The following GPATCH8 variants were observed in gnomAD, a reference collection of about 807,000 sequenced individuals.
The protein encoded by GPATCH8 is G patch domain-containing protein 8.
Under a neutral mutation model 118.3 loss-of-function variants are expected in GPATCH8, and 18 were observed. The observed-to-expected ratio is 0.15, with a 90% confidence interval of 0.11 to 0.23. The LOEUF (loss-of-function observed/expected upper bound fraction) is 0.23, where lower values mean the gene tolerates loss of function less well. Ranked by LOEUF, GPATCH8 falls within the 10% of genes least tolerant of loss-of-function variation. The pLI is 1.00. For missense variants in GPATCH8, 1,631 were observed against 1,873.8 expected (o/e 0.87, Z 2.39); for synonymous variants, 659 against 684.7 (o/e 0.96, Z 0.59).
At position 44,487,922 on chromosome 17, in the gene GPATCH8, CTTTT is replaced by C. The variant is rs1243028763; in HGVS notation, c.46-13023_46-13020del. On this transcript the variant is annotated intron_variant, in intron 1 of 7. Transcript: ENST00000591680. ...TGTTAACGTTAAAGAAACCAATTAG[CTTTT>C]TTTTTTTTTTTTTTGAGACGGAGTC... 5.1e-5 allele frequency among the ~76,000 whole-genome samples: 7 copies of C among 135,954 alleles called. No individual in the cohort carries two copies. The East Asian group carries it at 1.4e-3, about 28-fold the overall frequency. The allele number at this position is 135,954 out of a possible 152,430, so 89.2% of individuals were successfully genotyped here. A position where few individuals can be genotyped will look rare whatever the true frequency, so the allele number is the denominator to read the frequency against.
chr17:44,424,034 AC>A (rs1169302842), intron 6 of GPATCH8, among the ~76,000 whole-genome samples: 2 of 152,240 alleles, frequency 1.3e-5, no homozygotes, highest in Non-Finnish European at 2.9e-5. Context: ...AGAAATGGAA[AC>A]AAAGCTCCCA....
intron 6 of GPATCH8, among the ~76,000 whole-genome samples, chr17:44,410,923 A>C (rs1461464767): frequency 6.6e-6 from 1 of 152,234 alleles, no homozygotes; most frequent in East Asian, 1.9e-4. Flanking sequence ...AATGGAAATG[A>C]TATTCCAGTT....
At position 44,503,400 on chromosome 17, in the gene GPATCH8, G is replaced by A. The variant is rs774560740; in HGVS notation, c.-30C>T. ...CCGCCTTCACTCCTCTCAGGACGAC[G>A]CTCTCCGGTTCGCTCCTTCCCTCCT... On this transcript the variant is annotated 5_prime_UTR_variant, in exon 1 of 8. Coordinates refer to ENST00000591680, the MANE Select transcript of GPATCH8 (RefSeq NM_001002909.4). 9 of 1,585,370 alleles carry A rather than the reference G, an allele frequency of 5.7e-6. No homozygotes were observed. The highest frequency in any genetic ancestry group is 3.5e-5 in the Admixed American group (2 of 57,846).
At chr17:44,465,584 C>T (rs2051729512) in intron 2 of GPATCH8, 1 of 152,130 alleles carries the variant, frequency 6.6e-6, no homozygotes. Context: ...ATGGACAACA[C>T]TGAAAAATTC....
intron 1 of GPATCH8, among the ~76,000 whole-genome samples, chr17:44,480,909 C>G (rs913753326): frequency 2.0e-5 from 3 of 151,898 alleles, no homozygotes; most frequent in Non-Finnish European, 4.4e-5. Context: ...CAACCTAATA[C>G]CACTTCATTT....
At chr17:44,423,980 AAC>A (rs1237899835) in intron 6 of GPATCH8, among the ~76,000 whole-genome samples, 4 of 152,244 alleles carry the variant, frequency 2.6e-5, no homozygotes, top group African/African-American at 4.8e-5. Flanking sequence ...ACTTGAAAAT[AAC>A]AGTCTGCTGA....
chr17:44,461,712 G>T, intron 3 of GPATCH8, among the ~76,000 whole-genome samples: 1 of 151,010 alleles, frequency 6.6e-6, no homozygotes, highest in African/African-American at 2.4e-5. Flanking sequence ...GTGTGTGTGT[G>T]AGACAGAGTC....
intron 3 of GPATCH8, among the ~76,000 whole-genome samples, chr17:44,462,889 G>A (rs2051613176): frequency 6.6e-6 from 1 of 152,042 alleles, no homozygotes; most frequent in African/African-American, 2.4e-5. Flanking sequence ...GCTGAGGCAG[G>A]AGAATGGCGT....
chr17:44,469,235 C>T (rs1361614865), intron 2 of GPATCH8, among the ~76,000 whole-genome samples: 2 of 152,134 alleles, frequency 1.3e-5, no homozygotes, highest in Non-Finnish European at 2.9e-5. Context: ...TACCAATATG[C>T]TGAAAACACA....
intron 1 of GPATCH8, among the ~76,000 whole-genome samples, chr17:44,477,315 T>C (rs765595968): frequency 2.6e-5 from 4 of 152,188 alleles, no homozygotes; most frequent in Non-Finnish European, 4.4e-5. Flanking sequence ...GGTGCTAAAA[T>C]TGTGTGGCAG....
Position 44,397,011 on chromosome 17 carries a change from G to C in GPATCH8, c.*557C>G. 2 of 454,012 alleles carry C rather than the reference G, an allele frequency of 4.4e-6. No individual in the cohort carries two copies. Among genetic ancestry groups the C allele is most frequent in the South Asian group, 3.1e-5 (2 of 64,470 alleles). The allele number at this position is 454,012 out of a possible 1,614,324, so 28.1% of individuals were successfully genotyped here. A position where few individuals can be genotyped will look rare whatever the true frequency, so the allele number is the denominator to read the frequency against. The stretch of plus-strand genomic sequence containing the variant: ...GGAATTGCAGCCTGAGTTATATCAG[G>C]TTCCAGGTGAGACGCTTTCCACCTC... On this transcript the variant is annotated 3_prime_UTR_variant, in exon 8 of 8. Coordinates refer to ENST00000591680, the MANE Select transcript of GPATCH8 (RefSeq NM_001002909.4).
chr17:44,414,097 ATATG>A (rs1162132929), intron 6 of GPATCH8, among the ~76,000 whole-genome samples: 3 of 131,984 alleles, frequency 2.3e-5, no homozygotes, highest in African/African-American at 8.4e-5. Context: ...GTATATATAT[ATATG>A]TGTGTATATA....
intron 6 of GPATCH8, among the ~76,000 whole-genome samples, chr17:44,423,143 A>T (rs2049974876): frequency 6.6e-6 from 1 of 152,094 alleles, no homozygotes; most frequent in African/African-American, 2.4e-5. Flanking sequence ...CAGGAGGCTG[A>T]GGCAGGAGAA....
chr17:44,402,500 T>G (rs1476391169), intron 7 of GPATCH8, among the ~76,000 whole-genome samples: 1 of 152,068 alleles, frequency 6.6e-6, no homozygotes, highest in East Asian at 1.9e-4. Context: ...AGAAAAACTC[T>G]TGCTGGGTCA....
chr17:44,484,123 A>G (rs1353775137), intron 1 of GPATCH8, among the ~76,000 whole-genome samples: 1 of 152,128 alleles, frequency 6.6e-6, no homozygotes, highest in African/African-American at 2.4e-5. Context: ...TACAGGTGTG[A>G]GCCACCATGC....
At chr17:44,434,989 T>C (rs2050448631) in intron 5 of GPATCH8, 76 bp downstream of exon 5, 7 of 783,826 alleles carry the variant, frequency 8.9e-6, no homozygotes, top group Admixed American at 8.6e-5. Flanking sequence ...ACAGTGATGA[T>C]TTTCAACAAA....
intron 6 of GPATCH8, among the ~76,000 whole-genome samples, chr17:44,414,105 GTATATATATA>G (rs1272238317): frequency 2.8e-4 from 28 of 100,844 alleles, no homozygotes; most frequent in African/African-American, 3.7e-4. Context: ...ATATATGTGT[GTATATATATA>G]TGTATATATA....
rs369032129 is a variant in GPATCH8 at position 44,400,439 on chromosome 17, G to A, written c.1638C>T (p.Ser546=). ...PFFPVLSKDE[S]TALQWPSELL... is the part of the protein sequence containing the mutation. ...GTTCTGATGGCCACTGGAGGGCAGT[G>A]CTTTCATCTTTGCTCAAAACTGGGA... The change falls in exon 8 of 8, where the codon AGC becomes AGT. Residue 546 remains serine, a synonymous_variant. Coordinates refer to ENST00000591680, the MANE Select transcript of GPATCH8 (RefSeq NM_001002909.4). The A allele has an allele frequency of 3.1e-5, 50 of 1,614,102 alleles. 1 individual carries two copies. Among genetic ancestry groups the A allele is most frequent in the African/African-American group, 2.9e-4 (22 of 75,054 alleles).
At chr17:44,408,439 G>A (rs1485355804) in intron 6 of GPATCH8, among the ~76,000 whole-genome samples, 6 of 151,974 alleles carry the variant, frequency 3.9e-5, no homozygotes, top group African/African-American at 9.7e-5. Flanking sequence ...CGCCCGCCTC[G>A]GCTTCCCAAA....
Sources: allele counts gnomAD v4.1 joint callset (sites outside exome capture counted in the v4.1 genomes callset), GRCh38; gene constraint gnomAD v4.1.1; transcripts MANE v1.5; gene names NCBI Gene and HGNC (gene_info 2026-07-23, HGNC 2026-07-21).